ECPAS: variants seen among roughly 807,000 people sequenced by gnomAD.
ECPAS encodes Ecm29 proteasome adaptor and scaffold, also known as proteasome adapter and scaffold protein ECM29.
Under a neutral mutation model 255.1 loss-of-function variants are expected in ECPAS, and 70 were observed. The observed-to-expected ratio is 0.27, with a 90% CI of 0.23 to 0.33. ECPAS has a LOEUF of 0.33. Among genes scored for constraint, ECPAS ranks in the 10% least tolerant of loss-of-function variants. The pLI is 1.00. For synonymous variants in ECPAS, 784 were observed against 775.0 expected, an observed-to-expected ratio of 1.01 and a Z score of -0.19; for missense variants, 1,817 against 2,206.4, an observed-to-expected ratio of 0.82 and a Z score of 3.54.
chr9:111,465,232 T>C (rs1205500987), intron 2 of ECPAS, among the ~76,000 whole-genome samples: 2 of 151,410 alleles, frequency 1.3e-5, no homozygotes, highest in Non-Finnish European at 2.9e-5. Context: ...CAGACATACA[T>C]AAATGTTAAT....
At chr9:111,408,951 T>C (rs548257182) in intron 23 of ECPAS, among the ~76,000 whole-genome samples, 39 of 152,308 alleles carry the variant, frequency 2.6e-4, no homozygotes, top group South Asian at 6.2e-4. Context: ...ATTTAAAATG[T>C]GGGTTCTGGG....
Position 111,393,688 on chromosome 9 carries a change from T to G in ECPAS, c.2969A>C (p.Glu990Ala). The G allele has an allele frequency of 1.3e-6, 2 of 1,576,276 alleles. No homozygotes were observed. Residue 990 changes from glutamate to alanine, a missense_variant, in exon 27 of 50, where the codon GAA becomes GCA. By Grantham distance (107) the Glu-to-Ala change is moderately radical. Around this residue, in one of 4 missense-constraint regions of ECPAS, gnomAD observed 960 missense variants for 1,179.0 expected, o/e 0.81. Transcript: ENST00000684092. Reference sequence around the variant, plus strand: ...AAATATTAACAACCTACCATCATTTTCTGATAGAACTGAAACAAATGCACT... The same window carrying G: ...AAATATTAACAACCTACCATCATTTGCTGATAGAACTGAAACAAATGCACT... ...IQSAFVSVLS[E>A]NDELSQDVAS...
At chr9:111,378,530 AG>A in intron 36 of ECPAS, 49 bp downstream of exon 36, 3 of 1,556,846 alleles carry the variant, frequency 1.9e-6, no homozygotes, top group Non-Finnish European at 2.6e-6. Context: ...GTATCTTAAC[AG>A]GGCTCTTCCC....
chr9:111,464,417 A>G (rs1476454083), intron 2 of ECPAS, among the ~76,000 whole-genome samples: 2 of 151,440 alleles, frequency 1.3e-5, no homozygotes, highest in African/African-American at 4.9e-5. Flanking sequence ...GCAACTGAGC[A>G]AGATCCTATC....
At chr9:111,377,051 TAC>T (rs1212157154) in intron 36 of ECPAS, among the ~76,000 whole-genome samples, 1 of 152,212 alleles carries the variant, frequency 6.6e-6, no homozygotes. Flanking sequence ...TGCCTAGGGC[TAC>T]AAAGTTTAGA....
At chr9:111,393,009 G>C (rs552830058) in intron 27 of ECPAS, 127 bp from the exon 28 acceptor site, 15 of 611,308 alleles carry the variant, frequency 2.5e-5, no homozygotes, top group South Asian at 4.1e-5. Context: ...TATAAAAACA[G>C]AATCAATATG....
intron 42 of ECPAS, 122 bp from the exon 43 acceptor site, chr9:111,371,951 C>CAGTTTTAA (rs1393752333): frequency 1.4e-6 from 1 of 702,438 alleles, no homozygotes; most frequent in Non-Finnish European, 2.4e-6. Flanking sequence ...TTAAAACACA[C>CAGTTTTAA]CACTCTCTCA....
At chr9:111,395,131 T>C (rs759189270) in intron 25 of ECPAS, among the ~76,000 whole-genome samples, 8 of 152,180 alleles carry the variant, frequency 5.3e-5, no homozygotes, top group African/African-American at 9.7e-5. Context: ...TCCTCATTGA[T>C]CACATTACTC....
intron 30 of ECPAS, 82 bp downstream of exon 30, chr9:111,389,902 A>G (rs1589135063): frequency 2.6e-6 from 3 of 1,164,518 alleles, no homozygotes; most frequent in East Asian, 2.6e-5. Context: ...AATGCACTAC[A>G]TACCATTTGC....
At chr9:111,479,273 A>G (rs1010088195) in intron 1 of ECPAS, among the ~76,000 whole-genome samples, 12 of 152,180 alleles carry the variant, frequency 7.9e-5, no homozygotes, top group African/African-American at 2.4e-4. Flanking sequence ...AGATGGAGTA[A>G]TAAGTACTTA....
chr9:111,430,634 G>A lies in ECPAS; in HGVS notation c.849-6C>T. ...GATTATTCCAGTCAATTAAGCTATG[G>A]AAGGTTTCAACACAGGTTGTTAAAA... On this transcript the variant is annotated splice_polypyrimidine_tract_variant and splice_region_variant and intron_variant, in intron 8 of 49. Transcript: ENST00000684092. 1 of 1,576,650 alleles carries A rather than the reference G, an allele frequency of 6.3e-7. No homozygotes were observed. The highest frequency in any genetic ancestry group is 8.6e-7 in the Non-Finnish European group (1 of 1,156,838).
intron 35 of ECPAS, among the ~76,000 whole-genome samples, chr9:111,380,343 T>TTTTG (rs755212165): frequency 2.0e-5 from 3 of 152,310 alleles, no homozygotes; most frequent in South Asian, 4.1e-4. Flanking sequence ...GTTGTTATTT[T>TTTTG]TTTGTTTGTT....
intron 1 of ECPAS, among the ~76,000 whole-genome samples, chr9:111,481,225 G>GAA (rs1430726780): frequency 2.6e-5 from 4 of 152,190 alleles, no homozygotes; most frequent in Admixed American, 6.5e-5. Flanking sequence ...GGCCGGGCGC[G>GAA]GTGGCTCACG....
chr9:111,385,885 T>C (rs1344345580), intron 32 of ECPAS, among the ~76,000 whole-genome samples: 2 of 152,266 alleles, frequency 1.3e-5, no homozygotes, highest in Non-Finnish European at 2.9e-5. Context: ...GGAAAATCAT[T>C]GACCAAAGCT....
intron 3 of ECPAS, among the ~76,000 whole-genome samples, chr9:111,446,660 G>A (rs967313922): frequency 5.9e-5 from 9 of 152,136 alleles, no homozygotes; most frequent in Admixed American, 6.5e-5. Context: ...TCTTCCCCCA[G>A]GCATTCCTTA....
intron 2 of ECPAS, among the ~76,000 whole-genome samples, chr9:111,465,154 A>G (rs2098277940): frequency 6.6e-6 from 1 of 152,188 alleles, no homozygotes; most frequent in African/African-American, 2.4e-5. Flanking sequence ...AAATAAATTA[A>G]TTAATTAAAA....
In ECPAS at chr9:111,385,450, T is replaced by C. The variant is rs372792307; in HGVS notation, c.3528-8A>G. 3 of 1,438,708 alleles carry C rather than the reference T, an allele frequency of 2.1e-6. No individual in the cohort carries two copies. The highest frequency in any genetic ancestry group is 2.9e-6 in the Non-Finnish European group (3 of 1,047,994). The allele number at this position is 1,438,708 out of a possible 1,614,324, so 89.1% of individuals were successfully genotyped here. On this transcript the variant is annotated splice_region_variant and splice_polypyrimidine_tract_variant and intron_variant, in intron 32 of 49. Coordinates refer to ENST00000684092, the MANE Select transcript of ECPAS (RefSeq NM_001364929.1). The stretch of plus-strand genomic sequence containing the variant: ...TCATTCAAAGCTAAACAGCTGAAAA[T>C]CAAAATTTCATTTCAATATATGATG...
chr9:111,377,416 T>A (rs1007336519), intron 36 of ECPAS, among the ~76,000 whole-genome samples: 1 of 151,054 alleles, frequency 6.6e-6, no homozygotes. Context: ...AGGAAAAGAG[T>A]GCAAATCAGA....
chr9:111,469,343 G>T (rs774162104), intron 2 of ECPAS, among the ~76,000 whole-genome samples: 3 of 151,928 alleles, frequency 2.0e-5, no homozygotes, highest in Non-Finnish European at 2.9e-5. Context: ...GACCAGCCCG[G>T]CCAACATGGT....
Sources: gnomAD v4.1 joint callset for allele counts (sites outside exome capture counted in the v4.1 genomes callset) on GRCh38, gnomAD v4.1.1 for gene constraint, gnomAD v4.1.1 regional missense constraint, MANE v1.5 for transcripts, NCBI Gene and HGNC (gene_info 2026-07-23, HGNC 2026-07-21) for gene names.